FYB2: variants seen among roughly 807,000 people sequenced by gnomAD.
The protein encoded by FYB2 is FYN-binding protein 2.
Under a neutral mutation model 94.1 loss-of-function variants are expected in FYB2, and 103 were observed. The observed-to-expected ratio is 1.09, with a 90% CI of 0.93 to 1.29. The LOEUF is 1.29. Among genes scored for constraint, FYB2 ranks in the 50% most tolerant of loss-of-function variants. The pLI is 0.00. For missense variants in FYB2, 896 were observed against 841.5 expected, an observed-to-expected ratio of 1.06 and a Z score of -0.80; for synonymous variants, 293 against 287.9, an observed-to-expected ratio of 1.02 and a Z score of -0.18.
chr1:56,749,189 A>G (rs1230157874), intron 9 of FYB2, among the ~76,000 whole-genome samples: 1 of 151,676 alleles, frequency 6.6e-6, no homozygotes, highest in Non-Finnish European at 1.5e-5. Context: ...CTGCTTGAGA[A>G]CTTTAGGGTT....
At chr1:56,740,666 T>G (rs1471974152) in intron 13 of FYB2, 31 bp downstream of exon 13, 1 of 1,349,362 alleles carries the variant, frequency 7.4e-7, no homozygotes, top group Admixed American at 1.9e-5. Flanking sequence ...GTTAATCCCC[T>G]CGTGGAAAGG....
chr1:56,732,155 A>G (rs1644725268), intron 15 of FYB2, among the ~76,000 whole-genome samples: 1 of 152,180 alleles, frequency 6.6e-6, no homozygotes, highest in African/African-American at 2.4e-5. Flanking sequence ...AAATCAACAT[A>G]TAAAAATTAG....
At chr1:56,803,304 T>C (rs1393210758) in intron 1 of FYB2, among the ~76,000 whole-genome samples, 1 of 152,204 alleles carries the variant, frequency 6.6e-6, no homozygotes, top group African/African-American at 2.4e-5. Flanking sequence ...GGCAGGCTTT[T>C]GAAACCAAAA....
intron 1 of FYB2, among the ~76,000 whole-genome samples, chr1:56,814,109 CT>C (rs1490276249): frequency 1.3e-5 from 2 of 152,154 alleles, no homozygotes; most frequent in Non-Finnish European, 2.9e-5. Flanking sequence ...GTTGTCTGAG[CT>C]GAGTCATAAA....
chr1:56,779,274 ATTAGT>A (rs1226645991), intron 4 of FYB2, among the ~76,000 whole-genome samples: 1 of 152,212 alleles, frequency 6.6e-6, no homozygotes, highest in African/African-American at 2.4e-5. Flanking sequence ...GAGCTCAATG[ATTAGT>A]TTAATTAAAT....
chr1:56,769,485 A>G (rs1645703395), intron 4 of FYB2, among the ~76,000 whole-genome samples: 1 of 152,160 alleles, frequency 6.6e-6, no homozygotes, highest in Non-Finnish European at 1.5e-5. Flanking sequence ...AAGAAAGAAG[A>G]AAGAGAATGA....
chr1:56,780,820 G>A (rs543718727), intron 4 of FYB2, among the ~76,000 whole-genome samples: 16 of 152,298 alleles, frequency 1.1e-4, no homozygotes, highest in African/African-American at 3.8e-4. Flanking sequence ...GCCCTGTTGT[G>A]TCCCTGAAGT....
At chr1:56,806,539 A>G (rs1026545577) in intron 1 of FYB2, among the ~76,000 whole-genome samples, 13 of 152,134 alleles carry the variant, frequency 8.5e-5, no homozygotes, top group Admixed American at 7.2e-4. Flanking sequence ...CAAACTTAAC[A>G]ACACAAATTT....
At chr1:56,741,039 G>A (rs1023643352) in intron 12 of FYB2, among the ~76,000 whole-genome samples, 5 of 151,962 alleles carry the variant, frequency 3.3e-5, no homozygotes, top group Admixed American at 1.3e-4. Context: ...TGGGTAATGG[G>A]TAGACTAGAA....
intron 1 of FYB2, among the ~76,000 whole-genome samples, chr1:56,802,568 C>G (rs1441811984): frequency 2.6e-5 from 4 of 152,132 alleles, no homozygotes; most frequent in Non-Finnish European, 5.9e-5. Flanking sequence ...GTGTGCCGTT[C>G]CATTGTATTT....
At chr1:56,773,373 A>G (rs1328506124) in intron 4 of FYB2, among the ~76,000 whole-genome samples, 1 of 152,224 alleles carries the variant, frequency 6.6e-6, no homozygotes, top group Admixed American at 6.5e-5. Flanking sequence ...CACTTGGTCA[A>G]ACAGTGAGAT....
intron 4 of FYB2, among the ~76,000 whole-genome samples, chr1:56,778,611 C>T (rs1645937265): frequency 6.6e-6 from 1 of 152,100 alleles, no homozygotes; most frequent in South Asian, 2.1e-4. Flanking sequence ...TCCTTAAACT[C>T]AGGGTTCTCA....
chr1:56,772,507 T>C (rs943257131), intron 4 of FYB2, among the ~76,000 whole-genome samples: 2 of 152,160 alleles, frequency 1.3e-5, no homozygotes, highest in Non-Finnish European at 2.9e-5. Context: ...TGGATCAATA[T>C]ACAGAACTTG....
intron 1 of FYB2, among the ~76,000 whole-genome samples, chr1:56,800,790 A>G (rs567409131): frequency 8.5e-5 from 13 of 152,244 alleles, no homozygotes; most frequent in Non-Finnish European, 1.9e-4. Flanking sequence ...CAGCCATGAC[A>G]CTGCCTACTG....
At chr1:56,824,041 C>G (rs933282099), upstream of FYB2, 3 of 152,192 alleles carry the variant, frequency 2.0e-5, no homozygotes, top group African/African-American at 7.2e-5. Context: ...TTTCTTGGGT[C>G]TGGACTTCAA....
Position 56,792,765 on chromosome 1 carries a change from A to T in FYB2, c.48T>A (p.Phe16Leu). ...GAAGAGGTGGAGCATCAAGATTTTG[A>T]AATTTGGCTCGAAGTTCCTTGAAGT... ...VRNFKELRAKFQNLDAPPLPG... is the reference protein window; with the variant it reads ...VRNFKELRAKLQNLDAPPLPG... The change falls in exon 2 of 20, where the codon TTT becomes TTA. Residue 16 changes from phenylalanine to leucine, a missense_variant. By Grantham distance (22) the Phe-to-Leu change is conservative (BLOSUM62 0). Transcript: ENST00000343433. 6.2e-7 allele frequency: 1 copy of T among 1,613,602 alleles called. No homozygotes were observed. The highest frequency in any genetic ancestry group is 8.5e-7 in the Non-Finnish European group (1 of 1,179,720).
At chr1:56,818,067 G>A (rs1176735206) in intron 1 of FYB2, among the ~76,000 whole-genome samples, 2 of 152,172 alleles carry the variant, frequency 1.3e-5, no homozygotes, top group African/African-American at 2.4e-5. Flanking sequence ...GCCCATCAGA[G>A]ATGGGGAAAA....
At chr1:56,823,594 C>G (rs1186161429), upstream of FYB2, 1 of 152,164 alleles carries the variant, frequency 6.6e-6, no homozygotes, top group Admixed American at 6.6e-5. Flanking sequence ...TTGTGCTCAT[C>G]TAAGTAAACA....
At chr1:56,740,942 T>C (rs1346067143) in intron 12 of FYB2, 147 bp from the exon 13 acceptor site, 2 of 486,496 alleles carry the variant, frequency 4.1e-6, no homozygotes, top group East Asian at 3.6e-5. Flanking sequence ...AAGATGGAAA[T>C]AACCGACACT....
Sources: allele counts gnomAD v4.1 joint callset (sites outside exome capture counted in the v4.1 genomes callset), GRCh38; gene constraint gnomAD v4.1.1; transcripts MANE v1.5; gene names NCBI Gene and HGNC (gene_info 2026-07-23, HGNC 2026-07-21).